SORCS2: variants seen among roughly 807,000 people sequenced by gnomAD.
SORCS2 encodes sortilin related VPS10 domain containing receptor 2.
A neutral mutation model predicts 141.6 loss-of-function variants in SORCS2; 100 were observed. That is an observed-to-expected ratio of 0.71 (90% CI 0.60 to 0.83). SORCS2 has a LOEUF of 0.83. SORCS2 is among the 40% of genes least tolerant of loss of function. SORCS2 has a pLI of 0.00. For missense variants in SORCS2, 1,646 were observed against 1,560.2 expected (o/e 1.05, Z -0.93); for synonymous variants, 789 against 676.9 (o/e 1.17, Z -2.57).
chr4:7,524,687 T>A (rs1309168941), intron 2 of SORCS2, among the ~76,000 whole-genome samples: 1 of 151,382 alleles, frequency 6.6e-6, no homozygotes, highest in African/African-American at 2.4e-5. Flanking sequence ...GGAAAGGAAG[T>A]GGGGTGCGGC....
At chr4:7,204,364 C>T (rs562177078) in intron 1 of SORCS2, among the ~76,000 whole-genome samples, 99 of 152,100 alleles carry the variant, frequency 6.5e-4, no homozygotes, top group African/African-American at 2.2e-3. Context: ...TGCAGGTGCA[C>T]GCCACCACAC....
chr4:7,545,987 G>T (rs1041683711), intron 3 of SORCS2, among the ~76,000 whole-genome samples: 1 of 152,114 alleles, frequency 6.6e-6, no homozygotes, highest in African/African-American at 2.4e-5. Flanking sequence ...TTATCTTCAC[G>T]TGGCAGAAAA....
At chr4:7,601,928 C>T (rs1014741132) in intron 3 of SORCS2, among the ~76,000 whole-genome samples, 9 of 152,268 alleles carry the variant, frequency 5.9e-5, no homozygotes, top group Non-Finnish European at 1.0e-4. Flanking sequence ...TTGCACCGCC[C>T]TTAATCCATC....
At chr4:7,324,184 C>G (rs995771836) in intron 1 of SORCS2, among the ~76,000 whole-genome samples, 1 of 152,228 alleles carries the variant, frequency 6.6e-6, no homozygotes. Context: ...CAGGCTGCCT[C>G]GGCAGCCTCC....
chr4:7,609,469 C>G (rs1042119383), intron 3 of SORCS2, among the ~76,000 whole-genome samples: 1 of 152,186 alleles, frequency 6.6e-6, no homozygotes, highest in Non-Finnish European at 1.5e-5. Context: ...CGTCAACTGC[C>G]AATTCAGACC....
chr4:7,318,921 C>T lies in SORCS2; in HGVS notation c.481-77367C>T, dbSNP rs138588594. On this transcript the variant is annotated intron_variant, in intron 1 of 26. Coordinates refer to ENST00000507866, the MANE Select transcript of SORCS2 (RefSeq NM_020777.3). ...TGCCATCTTAATCTCTGACAACTAC[C>T]GATCTGGTTTTGGTCTGTATAGTTT... Among the ~76,000 whole-genome samples, 993 of 152,272 alleles carry T rather than the reference C, an allele frequency of 6.5e-3. 7 individuals are homozygous for T. The highest frequency in any genetic ancestry group is 0.017 in the Middle Eastern group (5 of 292).
intron 3 of SORCS2, among the ~76,000 whole-genome samples, chr4:7,552,557 A>G (rs963779601): frequency 1.3e-5 from 2 of 152,224 alleles, no homozygotes; most frequent in Non-Finnish European, 2.9e-5. Flanking sequence ...GAGAGAGACC[A>G]TGCCAGCAGC....
intron 3 of SORCS2, among the ~76,000 whole-genome samples, chr4:7,553,253 C>G (rs778062022): frequency 1.5e-4 from 23 of 151,840 alleles, no homozygotes; most frequent in Non-Finnish European, 2.5e-4. Flanking sequence ...TGAAGGGGAA[C>G]AAAGCCCTGG....
intron 1 of SORCS2, among the ~76,000 whole-genome samples, chr4:7,259,414 G>A (rs1714160388): frequency 6.6e-6 from 1 of 152,228 alleles, no homozygotes; most frequent in Admixed American, 6.5e-5. Context: ...GCTCACAGGG[G>A]TTGTACTCTG....
At chr4:7,554,890 A>C (rs182928561) in intron 3 of SORCS2, among the ~76,000 whole-genome samples, 1 of 152,294 alleles carries the variant, frequency 6.6e-6, no homozygotes, top group South Asian at 2.1e-4. Context: ...CCTCCAGAAC[A>C]CTAGGGCAGA....
At chr4:7,278,418 G>T (rs1390420192) in intron 1 of SORCS2, among the ~76,000 whole-genome samples, 1 of 152,186 alleles carries the variant, frequency 6.6e-6, no homozygotes, top group Non-Finnish European at 1.5e-5. Flanking sequence ...GTGGGGGGCA[G>T]ACTATTGCGA....
intron 2 of SORCS2, among the ~76,000 whole-genome samples, chr4:7,504,381 T>C (rs1201574837): frequency 6.6e-6 from 1 of 151,864 alleles, no homozygotes; most frequent in East Asian, 1.9e-4. Context: ...AGCCCGAGAG[T>C]GGGGGAAGTG....
chr4:7,520,534 GC>G (rs1321422096), intron 2 of SORCS2, among the ~76,000 whole-genome samples: 1 of 152,198 alleles, frequency 6.6e-6, no homozygotes, highest in Admixed American at 6.5e-5. Flanking sequence ...GAGTGTCACA[GC>G]CCCCAGCACC....
At chr4:7,610,746 G>A (rs1041259790) in intron 3 of SORCS2, among the ~76,000 whole-genome samples, 1 of 152,262 alleles carries the variant, frequency 6.6e-6, no homozygotes, top group South Asian at 2.1e-4. Context: ...TAACAAAGGG[G>A]CCAACAAGTA....
rs181896670 is a variant in SORCS2 at position 7,438,952 on chromosome 4, T to G, written c.548+42597T>G. ...TGGGAGTCCCCTCAGGCATCCTTCT[T>G]TGGCACTTCTGTACTTTCCAGCACA... is the stretch of plus-strand genomic sequence containing the variant. On this transcript the variant is annotated intron_variant, in intron 2 of 26. Transcript: ENST00000507866. Among the ~76,000 whole-genome samples, 10 of 152,308 alleles carry G rather than the reference T, an allele frequency of 6.6e-5. No individual in the cohort carries two copies. The East Asian group carries it at 1.9e-3, about 29-fold the overall frequency.
At chr4:7,217,932 T>A (rs1295397489) in intron 1 of SORCS2, among the ~76,000 whole-genome samples, 1 of 151,934 alleles carries the variant, frequency 6.6e-6, no homozygotes, top group Non-Finnish European at 1.5e-5. Context: ...CTGGCCGGGG[T>A]CACAGTGCAC....
intron 1 of SORCS2, among the ~76,000 whole-genome samples, chr4:7,283,487 G>A (rs1304003466): frequency 6.6e-6 from 1 of 152,168 alleles, no homozygotes; most frequent in African/African-American, 2.4e-5. Context: ...CTCAGGGCGG[G>A]GGTCTGGAGT....
At chr4:7,723,573 C>G (rs1484289623) in intron 18 of SORCS2, 124 bp from the exon 19 acceptor site, 3 of 1,122,136 alleles carry the variant, frequency 2.7e-6, no homozygotes, top group Non-Finnish European at 4.0e-6. Flanking sequence ...CCAGAGCCCA[C>G]TCATGTCAAG....
At chr4:7,719,988 G>T (rs1199826798) in intron 18 of SORCS2, among the ~76,000 whole-genome samples, 1 of 152,126 alleles carries the variant, frequency 6.6e-6, no homozygotes, top group East Asian at 1.9e-4. Context: ...TAGGGAAGCT[G>T]GTGGGAGTGT....
Sources: gnomAD v4.1 joint callset for allele counts (sites outside exome capture counted in the v4.1 genomes callset) on GRCh38, gnomAD v4.1.1 for gene constraint, MANE v1.5 for transcripts, NCBI Gene and HGNC (gene_info 2026-07-23, HGNC 2026-07-21) for gene names.